Variants in CERS3 observed in about 807,000 individuals in gnomAD.
The protein encoded by CERS3 is ceramide synthase 3, also known as LAG1 homolog, ceramide synthase 3.
A neutral mutation model predicts 50.3 loss-of-function variants in CERS3; 33 were observed. The ratio of observed to expected loss-of-function variants is 0.66; its 90% CI spans 0.50 to 0.88. The LOEUF (loss-of-function observed/expected upper bound fraction) is 0.88. CERS3 is among the 40% of genes least tolerant of loss of function. The probability of loss-of-function intolerance (pLI) is 0.00; values close to 1 mark genes in which losing one functional copy is unlikely to be tolerated. For missense variants in CERS3, 470 were observed against 460.3 expected (o/e 1.02, Z -0.19); for synonymous variants, 176 against 155.2 (o/e 1.13, Z -0.99).
At chr15:100,411,713 A>G (rs1722656201) in intron 11 of CERS3, among the ~76,000 whole-genome samples, 1 of 152,172 alleles carries the variant, frequency 6.6e-6, no homozygotes, top group Non-Finnish European at 1.5e-5. Flanking sequence ...AACTTTTTGT[A>G]GAACTACCAT....
chr15:100,448,359 G>A (rs12911006), intron 11 of CERS3, among the ~76,000 whole-genome samples: 78,249 of 151,980 alleles, frequency 0.51, 20,476 homozygotes, highest in Non-Finnish European at 0.57. Context: ...AGCCAAGACC[G>A]TCTGCTCAGC....
rs76416827 is a variant in CERS3 at position 100,520,010 on chromosome 15, C to T, written c.-2+1657G>A. ...CATAGGTTCAAGGAGACATGTACAC[C>T]CACATCCATGCCCCCTTTCCAGACT... On this transcript the variant is annotated intron_variant, in intron 2 of 11. Coordinates refer to ENST00000679737, the MANE Select transcript of CERS3 (RefSeq NM_001378789.1). Among the ~76,000 whole-genome samples, 287 of 152,200 alleles carry T rather than the reference C, an allele frequency of 1.9e-3. 12 individuals carry two copies. The East Asian group carries it at 0.044, about 23-fold the overall frequency.
intron 1 of CERS3, among the ~76,000 whole-genome samples, chr15:100,523,195 TG>T (rs1273455045): frequency 6.6e-6 from 1 of 152,204 alleles, no homozygotes; most frequent in Non-Finnish European, 1.5e-5. Context: ...AAAATTGCCT[TG>T]TTTCTGTTTT....
At chr15:100,502,267 A>AAAAAAAAAG (rs2036033219) in intron 2 of CERS3, among the ~76,000 whole-genome samples, 17 of 109,260 alleles carry the variant, frequency 1.6e-4, no homozygotes, top group Admixed American at 2.4e-4. Flanking sequence ...AAAAAAAAAA[A>AAAAAAAAAG]AAAGAAAGAA....
chr15:100,506,902 C>A (rs77985511), intron 2 of CERS3, among the ~76,000 whole-genome samples: 3,653 of 152,188 alleles, frequency 0.024, 114 homozygotes, highest in Admixed American at 0.09. Context: ...AAAAATATTG[C>A]ATTTTGCACA....
intron 3 of CERS3, among the ~76,000 whole-genome samples, chr15:100,496,119 G>A (rs2035805862): frequency 6.6e-6 from 1 of 152,124 alleles, no homozygotes; most frequent in Non-Finnish European, 1.5e-5. Context: ...CCTCTTCATT[G>A]CAGAACAATA....
intron 11 of CERS3, among the ~76,000 whole-genome samples, chr15:100,406,446 C>A (rs747786645): frequency 1.3e-5 from 2 of 152,192 alleles, no homozygotes; most frequent in Non-Finnish European, 2.9e-5. Context: ...CTGAACATGG[C>A]TTTTGAAAAA....
chr15:100,434,536 GT>G (rs1413399527), intron 11 of CERS3, among the ~76,000 whole-genome samples: 4 of 152,142 alleles, frequency 2.6e-5, no homozygotes, highest in South Asian at 4.1e-4. Context: ...CAGGAATAAG[GT>G]TTCTTTTGTG....
At chr15:100,506,961 T>A (rs554902058) in intron 2 of CERS3, among the ~76,000 whole-genome samples, 13 of 152,246 alleles carry the variant, frequency 8.5e-5, no homozygotes, top group African/African-American at 3.1e-4. Context: ...TCCAAAAAAA[T>A]AAAAAAGTTA....
chr15:100,500,708 C>T (rs2035970651), intron 3 of CERS3, among the ~76,000 whole-genome samples: 1 of 152,188 alleles, frequency 6.6e-6, no homozygotes, highest in African/African-American at 2.4e-5. Context: ...TTAGTGGTTT[C>T]CAGGGGCTTT....
chr15:100,518,890 G>A (rs1486259352), intron 2 of CERS3, among the ~76,000 whole-genome samples: 1 of 152,230 alleles, frequency 6.6e-6, no homozygotes, highest in Non-Finnish European at 1.5e-5. Flanking sequence ...CTGGCTGGGT[G>A]TGGTGGCTCA....
At chr15:100,428,013 C>T (rs1370188177) in intron 11 of CERS3, among the ~76,000 whole-genome samples, 1 of 152,192 alleles carries the variant, frequency 6.6e-6, no homozygotes, top group Non-Finnish European at 1.5e-5. Context: ...CTGGTGTGTC[C>T]TTCCCAGCCC....
At chr15:100,472,895 T>C in intron 9 of CERS3, 29 bp downstream of exon 9, 8 of 1,613,228 alleles carry the variant, frequency 5.0e-6, no homozygotes, top group Non-Finnish European at 5.9e-6. Flanking sequence ...CATGGTATTG[T>C]CATTAGTTTT....
chr15:100,424,159 T>G (rs980863841), intron 11 of CERS3, among the ~76,000 whole-genome samples: 25 of 152,278 alleles, frequency 1.6e-4, no homozygotes, highest in Middle Eastern at 3.4e-3. Flanking sequence ...CAGGCTGGTC[T>G]TGAACTCCTG....
At chr15:100,470,831 AG>A (rs1329750549) in intron 9 of CERS3, among the ~76,000 whole-genome samples, 1 of 152,176 alleles carries the variant, frequency 6.6e-6, no homozygotes, top group East Asian at 1.9e-4. Flanking sequence ...TGAGAGTGGT[AG>A]ATGTGAAGGC....
intron 4 of CERS3, among the ~76,000 whole-genome samples, chr15:100,489,496 G>C (rs2035586344): frequency 6.6e-6 from 1 of 152,162 alleles, no homozygotes; most frequent in African/African-American, 2.4e-5. Context: ...CTGACTAGAA[G>C]CTCTTAGCAA....
At position 100,469,417 on chromosome 15, in the gene CERS3, G is replaced by T; in HGVS notation, c.806C>A (p.Thr269Asn). The change falls in exon 10 of 12, where the codon ACC (threonine) becomes AAC (asparagine). Residue 269 changes from threonine to asparagine, a missense_variant. Thr to Asn is a moderately conservative substitution (Grantham distance 65). Coordinates refer to ENST00000679737, the MANE Select transcript of CERS3 (RefSeq NM_001378789.1). ...AATGAGGCGGCTGATGAAAAATATG[G>T]TGGAGAAGATGAAAAACAGGGTGTT... Reference protein sequence around the residue: ...TCNTLFFIFSTIFFISRLIVF... With the variant: ...TCNTLFFIFSNIFFISRLIVF... 1 of 1,614,020 alleles carries T rather than the reference G, an allele frequency of 6.2e-7. No homozygotes were observed. Among genetic ancestry groups the T allele is most frequent in the South Asian group, 1.1e-5 (1 of 91,080 alleles).
At chr15:100,423,086 T>TA (rs79815816) in intron 11 of CERS3, among the ~76,000 whole-genome samples, 636 of 59,308 alleles carry the variant, frequency 0.011, 8 homozygotes, top group African/African-American at 0.036. Context: ...TAAAGTATAA[T>TA]AAAAAAAAAA....
At chr15:100,508,963 G>T (rs1304053271) in intron 2 of CERS3, among the ~76,000 whole-genome samples, 4 of 152,194 alleles carry the variant, frequency 2.6e-5, no homozygotes, top group Non-Finnish European at 5.9e-5. Flanking sequence ...TGAAATATTT[G>T]CAAGAAAAAT....
Sources: allele counts gnomAD v4.1 joint callset (sites outside exome capture counted in the v4.1 genomes callset), GRCh38; gene constraint gnomAD v4.1.1; transcripts MANE v1.5; gene names NCBI Gene and HGNC (gene_info 2026-07-23, HGNC 2026-07-21).